Variants in ATP7B observed in about 807,000 individuals in gnomAD.
ATP7B encodes the protein copper-transporting ATPase 2.
A neutral mutation model predicts 118.9 loss-of-function variants in ATP7B; 113 were observed. That is an observed-to-expected ratio of 0.95 (90% CI 0.82 to 1.11). ATP7B has a LOEUF of 1.11. ATP7B is among the 50% of genes most tolerant of loss of function. The pLI is 0.00. For missense variants in ATP7B, 1,867 were observed against 1,871.4 expected (o/e 1.00, Z 0.04); for synonymous variants, 777 against 727.4 (o/e 1.07, Z -1.10).
Position 51,974,325 on chromosome 13 carries a change from C to T in ATP7B, c.895G>A (p.Val299Ile), listed in dbSNP as rs146791250. ...QVSLENKTAQ[V>I]KYDPSCTSPV... Reference sequence around the variant, plus strand: ...CTGGTACAAGAAGGGTCATACTTTACTTGGGCAGTTTTGTTCTCCAAGGAC... The same window carrying T: ...CTGGTACAAGAAGGGTCATACTTTATTTGGGCAGTTTTGTTCTCCAAGGAC... The change falls in exon 2 of 21, where the codon GTA (valine) becomes ATA (isoleucine). Residue 299 changes from valine (V) to isoleucine (I), a missense_variant. Physicochemically the swap from Val to Ile is conservative, Grantham distance 29. Transcript: ENST00000242839. 1 of 1,614,160 alleles carries T rather than the reference C, an allele frequency of 6.2e-7. No individual in the cohort carries two copies. The highest frequency in any genetic ancestry group is 2.2e-5 in the East Asian group (1 of 44,882).
intron 9 of ATP7B, among the ~76,000 whole-genome samples, chr13:51,955,782 GAGA>G (rs1555290324): frequency 1.3e-5 from 2 of 151,588 alleles, no homozygotes; most frequent in Non-Finnish European, 1.5e-5. Flanking sequence ...TAATTTATAA[GAGA>G]AGAAAAAAAA....
At chr13:51,995,304 T>C (rs1566654056) in intron 1 of ATP7B, 1 of 985,242 alleles carries the variant, frequency 1.0e-6, no homozygotes, top group Non-Finnish European at 1.2e-6. Context: ...CCATCTGCAA[T>C]TGCACTGACC....
intron 1 of ATP7B, among the ~76,000 whole-genome samples, chr13:51,998,418 A>G (rs1298640261): frequency 2.0e-5 from 3 of 152,188 alleles, no homozygotes; most frequent in African/African-American, 7.2e-5. Context: ...ATATTTACAT[A>G]TTTACATTTG....
At chr13:51,955,951 C>T (rs1164240824) in intron 9 of ATP7B, among the ~76,000 whole-genome samples, 1 of 152,156 alleles carries the variant, frequency 6.6e-6, no homozygotes, top group African/African-American at 2.4e-5. Context: ...TGCTGCCTGC[C>T]TGCCATGGAC....
chr13:51,945,849 C>A (rs190513261), intron 13 of ATP7B, among the ~76,000 whole-genome samples: 189 of 152,206 alleles, frequency 1.2e-3, no homozygotes, highest in Non-Finnish European at 2.0e-3. Context: ...TTCACAAACA[C>A]CGTCACTCAC....
chr13:51,962,319 A>T (rs1380578144), intron 5 of ATP7B, among the ~76,000 whole-genome samples: 2 of 152,218 alleles, frequency 1.3e-5, no homozygotes. Context: ...TCCAGCTTCC[A>T]GCCCAGGCTT....
chr13:51,971,605 T>G (rs779316757), intron 2 of ATP7B, among the ~76,000 whole-genome samples: 25 of 152,266 alleles, frequency 1.6e-4, no homozygotes, highest in Non-Finnish European at 3.2e-4. Context: ...TTATACTATA[T>G]TTCTTACCTA....
chr13:51,966,661 T>A, intron 4 of ATP7B: 3 of 1,192,120 alleles, frequency 2.5e-6, no homozygotes, highest in South Asian at 2.7e-5. Flanking sequence ...ATGGTTTTTT[T>A]AAAAAAAGAA....
intron 1 of ATP7B, among the ~76,000 whole-genome samples, chr13:52,002,224 C>A (rs1166878291): frequency 6.6e-6 from 1 of 151,900 alleles, no homozygotes; most frequent in Non-Finnish European, 1.5e-5. Context: ...AAACAACTTA[C>A]AAATGTGCTT....
chr13:51,995,423 C>T (rs1953156442), intron 1 of ATP7B: 1 of 824,912 alleles, frequency 1.2e-6, no homozygotes, highest in Non-Finnish European at 1.5e-6. Context: ...GGCTGAATGC[C>T]TAACCCCAGG....
chr13:51,946,623 C>T, intron 12 of ATP7B, 145 bp from the exon 13 acceptor site: 1 of 871,572 alleles, frequency 1.1e-6, no homozygotes, highest in Non-Finnish European at 1.9e-6. Context: ...CCACACTGCT[C>T]TGCCATCATA....
At chr13:51,996,646 T>C (rs918766539) in intron 1 of ATP7B, among the ~76,000 whole-genome samples, 1 of 152,110 alleles carries the variant, frequency 6.6e-6, no homozygotes, top group Non-Finnish European at 1.5e-5. Flanking sequence ...TCCTCATAGG[T>C]TGCCCACAGT....
In ATP7B at chr13:51,932,812, C is replaced by T. The variant is rs1350480721; in HGVS notation, c.*1944G>A. ...AAAATTATATAAATATTTCCATGTCCATATATGAACACAACGTTTATGGTC... is the reference window on the plus strand; with the variant it reads ...AAAATTATATAAATATTTCCATGTCTATATATGAACACAACGTTTATGGTC... On this transcript the variant is annotated 3_prime_UTR_variant, in exon 21 of 21. Transcript: ENST00000242839. 6.6e-6 allele frequency: 1 copy of T among 151,952 alleles called. No homozygotes were observed. Among genetic ancestry groups the T allele is most frequent in the African/African-American group, 2.4e-5 (1 of 41,348 alleles). 9.4% of individuals were successfully genotyped at this position (151,952 alleles called of 1,614,324 possible).
At chr13:51,961,401 T>C (rs1958733649) in intron 6 of ATP7B, among the ~76,000 whole-genome samples, 1 of 152,068 alleles carries the variant, frequency 6.6e-6, no homozygotes, top group Non-Finnish European at 1.5e-5. Flanking sequence ...CACTCAGCCA[T>C]TATGCCTGCC....
chr13:51,937,711 G>C (rs1222573488), intron 17 of ATP7B, 32 bp from the exon 18 acceptor site: 1 of 1,610,204 alleles, frequency 6.2e-7, no homozygotes, highest in Admixed American at 1.7e-5. Flanking sequence ...GCCTAGTGTT[G>C]GCAAAAGGTA....
intron 1 of ATP7B, among the ~76,000 whole-genome samples, chr13:51,984,132 T>C (rs1055476085): frequency 1.3e-5 from 2 of 152,000 alleles, no homozygotes; most frequent in Non-Finnish European, 2.9e-5. Context: ...TAAAGTAGCA[T>C]GTTCTAACCC....
chr13:52,000,701 G>GA (rs1403194007), intron 1 of ATP7B, among the ~76,000 whole-genome samples: 1 of 152,052 alleles, frequency 6.6e-6, no homozygotes, highest in Non-Finnish European at 1.5e-5. Context: ...ACTTGCCCAG[G>GA]AAAAAATCCT....
At chr13:52,001,844 G>A (rs923482883) in intron 1 of ATP7B, among the ~76,000 whole-genome samples, 2 of 152,018 alleles carry the variant, frequency 1.3e-5, no homozygotes, top group Non-Finnish European at 2.9e-5. Flanking sequence ...AAGCTGGAGT[G>A]CAGTGGCATG....
At chr13:51,997,108 G>C (rs1342885065) in intron 1 of ATP7B, among the ~76,000 whole-genome samples, 11 of 152,110 alleles carry the variant, frequency 7.2e-5, no homozygotes, top group Admixed American at 7.2e-4. Flanking sequence ...GATTCTTCAG[G>C]TCTTGCTTAT....
Sources: allele counts gnomAD v4.1 joint callset (sites outside exome capture counted in the v4.1 genomes callset), GRCh38; gene constraint gnomAD v4.1.1; transcripts MANE v1.5; gene names NCBI Gene and HGNC (gene_info 2026-07-23, HGNC 2026-07-21).